Variants in PDE10A observed in about 807,000 individuals in gnomAD.
PDE10A encodes the protein phosphodiesterase 10A, also known as cAMP and cAMP-inhibited cGMP 3',5'-cyclic phosphodiesterase 10A.
In PDE10A, 39 loss-of-function variants were observed where a neutral mutation model predicts 97.7. The ratio of observed to expected loss-of-function variants is 0.40; its 90% confidence interval spans 0.31 to 0.52. The LOEUF is 0.52. PDE10A is among the 20% of genes least tolerant of loss of function. PDE10A has a pLI of 0.56. For missense variants in PDE10A, 731 were observed against 1,047.8 expected (o/e 0.70, Z 4.17); for synonymous variants, 371 against 376.8 (o/e 0.98, Z 0.18).
At chr6:165,976,909 C>T (rs1215817772) in intron 1 of PDE10A, among the ~76,000 whole-genome samples, 4 of 152,228 alleles carry the variant, frequency 2.6e-5, no homozygotes, top group African/African-American at 9.6e-5. Context: ...AGCAATCAAA[C>T]CCTGTGCACC....
intron 2 of PDE10A, among the ~76,000 whole-genome samples, chr6:165,487,112 C>G (rs544130246): frequency 3.6e-4 from 55 of 152,346 alleles, no homozygotes; most frequent in South Asian, 2.3e-3. Flanking sequence ...AGAGGATCAA[C>G]TGCTTGAGAT....
chr6:165,331,586 G>A lies in PDE10A; in HGVS notation c.*1439C>T, dbSNP rs899143456. On this transcript the variant is annotated 3_prime_UTR_variant, in exon 22 of 22. Coordinates refer to ENST00000539869, the MANE Select transcript of PDE10A (RefSeq NM_001385079.1). ...CACATGAAAAGTGAATAAGTTATTT[G>A]ATATGATGGGCCTGTCACTTCCTGA... is the stretch of plus-strand genomic sequence containing the variant. The A allele has an allele frequency of 2.0e-5, 3 of 152,182 alleles. No homozygotes were observed. The highest frequency in any genetic ancestry group is 4.4e-5 in the Non-Finnish European group (3 of 68,022). The allele number at this position is 152,182 out of a possible 1,614,324, so 9.4% of individuals were successfully genotyped here.
chr6:165,658,982 G>A (rs949857328), intron 1 of PDE10A, among the ~76,000 whole-genome samples: 2 of 152,176 alleles, frequency 1.3e-5, no homozygotes, highest in Admixed American at 1.3e-4. Flanking sequence ...CAGCAGCTTC[G>A]TAGCTTCTAC....
intron 18 of PDE10A, among the ~76,000 whole-genome samples, chr6:165,344,471 T>G (rs1782180692): frequency 6.6e-6 from 1 of 152,224 alleles, no homozygotes; most frequent in Admixed American, 6.5e-5. Flanking sequence ...CGAATGAGTT[T>G]AAGCAATCCC....
At chr6:165,396,542 T>C (rs1312896133) in intron 13 of PDE10A, 83 bp from the exon 14 acceptor site, 39 of 1,375,148 alleles carry the variant, frequency 2.8e-5, no homozygotes, top group South Asian at 2.6e-4. Flanking sequence ...GAATTTGGTA[T>C]TAAAGAATCA....
intron 3 of PDE10A, among the ~76,000 whole-genome samples, chr6:165,469,825 G>A (rs1778883035): frequency 6.6e-6 from 1 of 152,150 alleles, no homozygotes; most frequent in Non-Finnish European, 1.5e-5. Flanking sequence ...TAGGATACCT[G>A]CCTGCACTCC....
At chr6:165,339,445 T>C in intron 19 of PDE10A, 87 bp from the exon 20 acceptor site, 1 of 836,454 alleles carries the variant, frequency 1.2e-6, no homozygotes, top group Non-Finnish European at 2.0e-6. Flanking sequence ...CCTTTATTCC[T>C]TAATTTTCTT....
At chr6:165,612,034 A>C (rs963918167) in intron 1 of PDE10A, among the ~76,000 whole-genome samples, 1 of 152,200 alleles carries the variant, frequency 6.6e-6, no homozygotes, top group Non-Finnish European at 1.5e-5. Context: ...GACAACTCAA[A>C]TTTCACTTAG....
chr6:165,629,428 TTGAA>T (rs1049636286), intron 1 of PDE10A, among the ~76,000 whole-genome samples: 8 of 152,170 alleles, frequency 5.3e-5, no homozygotes, highest in African/African-American at 1.4e-4. Flanking sequence ...AAGAAGCCGT[TTGAA>T]TGACATTTTC....
chr6:165,402,048 G>A (rs1786708431), intron 13 of PDE10A, among the ~76,000 whole-genome samples: 1 of 152,164 alleles, frequency 6.6e-6, no homozygotes, highest in South Asian at 2.1e-4. Context: ...ATACTAGGCA[G>A]TAAACTAACT....
At chr6:165,873,200 G>C (rs530121577) in intron 1 of PDE10A, among the ~76,000 whole-genome samples, 3 of 152,270 alleles carry the variant, frequency 2.0e-5, no homozygotes, top group South Asian at 4.1e-4. Context: ...ACTCAGGAAA[G>C]ATGATGTCAA....
intron 1 of PDE10A, among the ~76,000 whole-genome samples, chr6:165,830,611 G>A (rs1464441641): frequency 2.0e-5 from 3 of 152,110 alleles, no homozygotes; most frequent in East Asian, 1.9e-4. Context: ...ACGCTGAAAC[G>A]CTGCATCTTA....
At position 165,407,990 on chromosome 6, in the gene PDE10A, A is replaced by C. The variant is rs1236486170; in HGVS notation, c.2076+5511T>G. Among the ~76,000 whole-genome samples the C allele has an allele frequency of 5.3e-5, 8 of 152,378 alleles. 2 individuals carry two copies. Among genetic ancestry groups the C allele is most frequent in the Admixed American group, 5.2e-4 (8 of 15,308 alleles). On this transcript the variant is annotated intron_variant, in intron 13 of 21. Coordinates refer to ENST00000539869, the MANE Select transcript of PDE10A (RefSeq NM_001385079.1). The stretch of plus-strand genomic sequence containing the variant: ...ATTTCTAAAGATGAAATAAAGGAAA[A>C]TAAAAACATAATAAGCATTAACATG...
chr6:165,435,395 T>C lies in PDE10A; in HGVS notation c.1195-18A>G. ...CACAGGCTCTAGGGAGAAGAAAAGA[T>C]GTTTTACAGACTTTCCTGTACATGT... On this transcript the variant is annotated intron_variant, in intron 5 of 21. Coordinates refer to ENST00000539869, the MANE Select transcript of PDE10A (RefSeq NM_001385079.1). 6.2e-7 allele frequency: 1 copy of C among 1,609,082 alleles called. No individual in the cohort carries two copies. The highest frequency in any genetic ancestry group is 8.5e-7 in the Non-Finnish European group (1 of 1,177,866).
At chr6:165,376,633 G>C (rs1784619650) in intron 18 of PDE10A, among the ~76,000 whole-genome samples, 1 of 152,200 alleles carries the variant, frequency 6.6e-6, no homozygotes, top group Non-Finnish European at 1.5e-5. Context: ...GCCACATCCA[G>C]GCTGGGCACA....
chr6:165,524,823 C>A (rs569430426), intron 2 of PDE10A, among the ~76,000 whole-genome samples: 230 of 152,252 alleles, frequency 1.5e-3, no homozygotes, highest in Non-Finnish European at 2.4e-3. Flanking sequence ...AGAATGGGAC[C>A]CTGATACTTG....
intron 18 of PDE10A, among the ~76,000 whole-genome samples, chr6:165,348,974 A>C (rs1305733290): frequency 6.6e-6 from 1 of 152,188 alleles, no homozygotes; most frequent in Non-Finnish European, 1.5e-5. Context: ...TGAGTCAATT[A>C]AACCTCTTTC....
At chr6:165,572,596 T>C (rs1459647644) in intron 1 of PDE10A, among the ~76,000 whole-genome samples, 1 of 152,248 alleles carries the variant, frequency 6.6e-6, no homozygotes, top group East Asian at 1.9e-4. Context: ...GTGACAAAAA[T>C]GTAAACATTA....
chr6:165,703,471 C>G (rs1791630706), intron 1 of PDE10A, among the ~76,000 whole-genome samples: 1 of 152,226 alleles, frequency 6.6e-6, no homozygotes, highest in South Asian at 2.1e-4. Flanking sequence ...TGCTAATGTA[C>G]TTTCCTCCTT....
Sources: allele counts gnomAD v4.1 joint callset (sites outside exome capture counted in the v4.1 genomes callset), GRCh38; gene constraint gnomAD v4.1.1; transcripts MANE v1.5; gene names NCBI Gene and HGNC (gene_info 2026-07-23, HGNC 2026-07-21).